TSPAN18: variants seen among roughly 807,000 people sequenced by gnomAD.
TSPAN18 encodes the protein tetraspanin 18.
A neutral mutation model predicts 27.3 loss-of-function variants in TSPAN18; 14 were observed. That is an observed-to-expected ratio of 0.51 (90% CI 0.34 to 0.80). The LOEUF (loss-of-function observed/expected upper bound fraction) is 0.80. TSPAN18 is among the 30% of genes least tolerant of loss of function. TSPAN18 has a pLI of 0.01. For synonymous variants in TSPAN18, 143 were observed against 136.5 expected (o/e 1.05, Z -0.33); for missense variants, 268 against 323.9 (o/e 0.83, Z 1.32).
intron 2 of TSPAN18, among the ~76,000 whole-genome samples, chr11:44,792,287 G>A (rs545648935): frequency 6.6e-6 from 1 of 152,324 alleles, no homozygotes; most frequent in South Asian, 2.1e-4. Context: ...TGTTGAGGAA[G>A]TGAGGGAACA....
chr11:44,851,417 A>G lies in TSPAN18; in HGVS notation c.-152-8911A>G, dbSNP rs367940597. On this transcript the variant is annotated intron_variant, in intron 2 of 9. Coordinates refer to ENST00000520358, the MANE Select transcript of TSPAN18 (RefSeq NM_130783.5). The stretch of plus-strand genomic sequence containing the variant: ...TGGCTGAACAGGGGGTTTTATACAA[A>G]TCCGTGGAGACAGAAATAGATCAAT... Among the ~76,000 whole-genome samples, 39 of 152,196 alleles carry G rather than the reference A, an allele frequency of 2.6e-4. No homozygotes were observed. In the East Asian group the frequency reaches 3.1e-3, roughly 12 times the overall value.
chr11:44,806,975 A>G (rs954851778), intron 2 of TSPAN18, among the ~76,000 whole-genome samples: 2 of 152,134 alleles, frequency 1.3e-5, no homozygotes, highest in Non-Finnish European at 2.9e-5. Context: ...TTTAGCACAT[A>G]AAACCCATGG....
At position 44,909,776 on chromosome 11, in the gene TSPAN18, G is replaced by A. The variant is rs1215376321; in HGVS notation, c.135G>A (p.Val45=). The A allele has an allele frequency of 1.2e-6, 2 of 1,613,912 alleles. No homozygotes were observed. Among genetic ancestry groups the A allele is most frequent in the Non-Finnish European group, 1.7e-6 (2 of 1,180,018 alleles). ...MVDPTGFREI[V]AANPLLLTGA... is the part of the protein sequence containing the mutation. ...ACCCCACCGGCTTCCGGGAGATCGT[G>A]GCTGCCAATCCTCTGCTCCTCACGG... Residue 45 remains valine, a synonymous_variant, in exon 5 of 10, where the codon GTG becomes GTA. Transcript: ENST00000520358.
intron 1 of TSPAN18, among the ~76,000 whole-genome samples, chr11:44,749,899 G>A (rs1855172191): frequency 1.3e-5 from 2 of 152,350 alleles, no homozygotes; most frequent in South Asian, 2.1e-4. Context: ...GCCTCCCAAA[G>A]TGCTGGGATT....
intron 2 of TSPAN18, among the ~76,000 whole-genome samples, chr11:44,854,436 C>T (rs537278616): frequency 1.7e-4 from 26 of 152,266 alleles, no homozygotes; most frequent in Non-Finnish European, 3.4e-4. Context: ...CAGGTTGGCA[C>T]GGGGCTCAAG....
At chr11:44,757,887 T>G (rs1855368108) in intron 1 of TSPAN18, among the ~76,000 whole-genome samples, 1 of 152,248 alleles carries the variant, frequency 6.6e-6, no homozygotes, top group Non-Finnish European at 1.5e-5. Context: ...AGATATATGA[T>G]TTGCAAATAT....
intron 8 of TSPAN18, among the ~76,000 whole-genome samples, chr11:44,922,134 T>TTTTTTTTTTA (rs1860165324): frequency 7.5e-6 from 1 of 133,834 alleles, no homozygotes; most frequent in African/African-American, 2.5e-5. Context: ...TTTTTTTTTT[T>TTTTTTTTTTA]GAGACTGAGT....
At chr11:44,909,434 T>C in intron 4 of TSPAN18, 1 of 450,022 alleles carries the variant, frequency 2.2e-6, no homozygotes, top group Middle Eastern at 5.7e-4. Flanking sequence ...GCAAATAGCC[T>C]TTATGTGATA....
intron 3 of TSPAN18, among the ~76,000 whole-genome samples, chr11:44,888,213 G>A (rs1029897594): frequency 6.6e-5 from 10 of 152,164 alleles, no homozygotes; most frequent in Non-Finnish European, 1.5e-4. Context: ...AGGTGCCCGG[G>A]ACTTTAGCAG....
At chr11:44,889,301 A>G (rs835765) in intron 3 of TSPAN18, among the ~76,000 whole-genome samples, 123,699 of 152,180 alleles carry the variant, frequency 0.81, 50,646 homozygotes, top group East Asian at 0.99. Context: ...AGATGATTTC[A>G]GGGCTGAGGT....
At chr11:44,903,221 T>G (rs957222188) in intron 3 of TSPAN18, 58 of 359,742 alleles carry the variant, frequency 1.6e-4, no homozygotes, top group Non-Finnish European at 2.6e-4. Context: ...AGGGAAGGCT[T>G]CCTGGCGGAG....
At chr11:44,803,891 C>T (rs984147031) in intron 2 of TSPAN18, among the ~76,000 whole-genome samples, 8 of 152,122 alleles carry the variant, frequency 5.3e-5, no homozygotes, top group South Asian at 2.1e-4. Flanking sequence ...ATTCTTACTC[C>T]GTCAGCCTTC....
At chr11:44,834,190 T>TG (rs1328620898) in intron 2 of TSPAN18, among the ~76,000 whole-genome samples, 1 of 151,014 alleles carries the variant, frequency 6.6e-6, no homozygotes, top group Admixed American at 6.6e-5. Context: ...GGAGGCGAGG[T>TG]GGGGGGCTTG....
In TSPAN18 at chr11:44,753,932, G is replaced by A. The variant is rs146933985; in HGVS notation, c.-239-10494G>A. 1.5e-3 allele frequency among the ~76,000 whole-genome samples: 229 copies of A among 152,314 alleles called. 1 individual carries two copies. The highest frequency in any genetic ancestry group is 5.1e-3 in the African/African-American group (211 of 41,548). On this transcript the variant is annotated intron_variant, in intron 1 of 9. Transcript: ENST00000520358. ...ACTTAGTCTAGAAAACCAGTCATGC[G>A]TCTTTTCACTAGGACTCCCTTGACC...
At chr11:44,850,677 A>G (rs1857579106) in intron 2 of TSPAN18, among the ~76,000 whole-genome samples, 1 of 152,160 alleles carries the variant, frequency 6.6e-6, no homozygotes, top group African/African-American at 2.4e-5. Context: ...ACAGATGAGA[A>G]GGCAGAGGTT....
At chr11:44,892,357 TG>T (rs1858882321) in intron 3 of TSPAN18, among the ~76,000 whole-genome samples, 1 of 152,188 alleles carries the variant, frequency 6.6e-6, no homozygotes. Context: ...CCCCTGGACT[TG>T]GTTGCTTGGC....
intron 2 of TSPAN18, among the ~76,000 whole-genome samples, chr11:44,812,122 C>T (rs1224098720): frequency 6.6e-6 from 1 of 152,218 alleles, no homozygotes; most frequent in Non-Finnish European, 1.5e-5. Context: ...AAGCTGGGGG[C>T]ATCCTCCGTC....
chr11:44,838,652 A>G (rs72897348), intron 2 of TSPAN18, among the ~76,000 whole-genome samples: 1,581 of 152,264 alleles, frequency 0.01, 14 homozygotes, highest in Middle Eastern at 0.024. Context: ...GAAAGACTGG[A>G]CTGGCCGCTG....
intron 1 of TSPAN18, among the ~76,000 whole-genome samples, chr11:44,756,593 G>T (rs888163538): frequency 2.6e-5 from 4 of 151,984 alleles, no homozygotes; most frequent in African/African-American, 7.3e-5. Context: ...CCAGCCCCTG[G>T]TAACCTCCAT....
Sources: allele counts gnomAD v4.1 joint callset (sites outside exome capture counted in the v4.1 genomes callset), GRCh38; gene constraint gnomAD v4.1.1; transcripts MANE v1.5; gene names NCBI Gene and HGNC (gene_info 2026-07-23, HGNC 2026-07-21).